The following TENM2 variants were observed in gnomAD, a reference collection of about 807,000 sequenced individuals.
TENM2 encodes the protein teneurin-2.
TENM2 carries 52 observed loss-of-function variants against 245.2 expected under a neutral mutation model. That is an observed-to-expected ratio of 0.21 (90% confidence interval 0.17 to 0.27). The LOEUF (loss-of-function observed/expected upper bound fraction) is 0.27, where lower values mean the gene tolerates loss of function less well. Ranked by LOEUF, TENM2 falls within the 10% of genes least tolerant of loss-of-function variation. TENM2 has a pLI of 1.00. For missense variants in TENM2, 3,046 were observed against 3,666.8 expected, an observed-to-expected ratio of 0.83 and a Z score of 4.37; for synonymous variants, 1,363 against 1,438.9, an observed-to-expected ratio of 0.95 and a Z score of 1.19.
intron 2 of TENM2, among the ~76,000 whole-genome samples, chr5:167,814,531 C>G (rs1396775239): frequency 6.7e-6 from 1 of 149,446 alleles, no homozygotes; most frequent in Non-Finnish European, 1.5e-5. Context: ...TTATCTAGGA[C>G]AGTATTTCCA....
At chr5:167,130,289 C>A in the TENM2 span, among the ~76,000 whole-genome samples, 1 of 152,146 alleles carries the variant, frequency 6.6e-6, no homozygotes, top group Non-Finnish European at 1.5e-5. Context: ...GAAAATAGTG[C>A]TGCTAATGGA....
chr5:168,177,187 A>C (rs1759436624), intron 13 of TENM2, among the ~76,000 whole-genome samples: 1 of 152,222 alleles, frequency 6.6e-6, no homozygotes. Flanking sequence ...CTGCGTGTGA[A>C]TCCCAGCTTC....
chr5:167,440,363 A>C (rs1241891028), intron 2 of TENM2, among the ~76,000 whole-genome samples: 1 of 152,178 alleles, frequency 6.6e-6, no homozygotes, highest in Admixed American at 6.5e-5. Flanking sequence ...GTGTTCATCC[A>C]ATGTGCCAAC....
the TENM2 span, among the ~76,000 whole-genome samples, chr5:167,130,888 C>CT: frequency 0.12 from 8,700 of 73,020 alleles, 158 homozygotes; most frequent in Non-Finnish European, 0.14. Flanking sequence ...GTGTTAAATG[C>CT]TTTTTTTTTT....
intron 2 of TENM2, among the ~76,000 whole-genome samples, chr5:167,413,147 G>A (rs1352308474): frequency 1.3e-5 from 2 of 151,650 alleles, no homozygotes; most frequent in Non-Finnish European, 1.5e-5. Context: ...TTTATTTTTT[G>A]GCTCTGATCA....
intron 2 of TENM2, among the ~76,000 whole-genome samples, chr5:167,753,668 T>C (rs1762102753): frequency 6.6e-6 from 1 of 152,152 alleles, no homozygotes; most frequent in Non-Finnish European, 1.5e-5. Context: ...AGTTAGTAGG[T>C]GACAAAGCTG....
chr5:168,048,993 A>G (rs1788851939), intron 6 of TENM2, among the ~76,000 whole-genome samples: 2 of 152,208 alleles, frequency 1.3e-5, no homozygotes, highest in African/African-American at 4.8e-5. Flanking sequence ...CCAGAGCCAA[A>G]TGTATTGACC....
chr5:167,168,647 G>A, the TENM2 span, among the ~76,000 whole-genome samples: 1 of 152,212 alleles, frequency 6.6e-6, no homozygotes, highest in South Asian at 2.1e-4. Flanking sequence ...CTGATGGAAG[G>A]AACTTTGCTT....
chr5:168,224,080 A>G (rs4976541), intron 23 of TENM2, among the ~76,000 whole-genome samples: 3 of 152,158 alleles, frequency 2.0e-5, no homozygotes, highest in Admixed American at 1.3e-4. Flanking sequence ...TATTTAATGA[A>G]TCTCCCATCA....
the TENM2 span, among the ~76,000 whole-genome samples, chr5:167,070,284 A>ATTTTTTTTTTTTTTTTTTT: frequency 2.7e-4 from 27 of 99,338 alleles, no homozygotes; most frequent in East Asian, 6.5e-4. Flanking sequence ...CGCCCGGCTA[A>ATTTTTTTTTTTTTTTTTTT]TTTTTTTTTT....
chr5:167,062,658 G>C, the TENM2 span, among the ~76,000 whole-genome samples: 1 of 152,174 alleles, frequency 6.6e-6, no homozygotes. Flanking sequence ...AGGTGAACAC[G>C]ACAGGCAAGG....
At chr5:168,188,406 C>T (rs1760663550) in intron 13 of TENM2, among the ~76,000 whole-genome samples, 4 of 152,290 alleles carry the variant, frequency 2.6e-5, no homozygotes, top group Admixed American at 2.6e-4. Flanking sequence ...TCAATCCGCT[C>T]CCAGCCGAGT....
At chr5:166,999,666 G>A in the TENM2 span, among the ~76,000 whole-genome samples, 2 of 152,262 alleles carry the variant, frequency 1.3e-5, no homozygotes, top group Non-Finnish European at 2.9e-5. Flanking sequence ...TGCCTTCAGG[G>A]TTATGGTGGG....
chr5:167,197,288 C>T, the TENM2 span, among the ~76,000 whole-genome samples: 10 of 152,004 alleles, frequency 6.6e-5, no homozygotes, highest in Non-Finnish European at 1.0e-4. Flanking sequence ...TACAACATGG[C>T]GTGCTGGAAG....
the TENM2 span, among the ~76,000 whole-genome samples, chr5:167,216,989 G>A: frequency 6.6e-6 from 1 of 151,506 alleles, no homozygotes; most frequent in Non-Finnish European, 1.5e-5. Flanking sequence ...ACCAGTAACA[G>A]AAACATATAA....
intron 2 of TENM2, among the ~76,000 whole-genome samples, chr5:167,424,828 A>C (rs776320422): frequency 6.6e-6 from 1 of 152,294 alleles, no homozygotes; most frequent in Non-Finnish European, 1.5e-5. Flanking sequence ...TGAAAATATT[A>C]TTCTTGCAGG....
intron 9 of TENM2, among the ~76,000 whole-genome samples, chr5:168,104,021 TTTG>T (rs1794041804): frequency 1.3e-5 from 2 of 151,950 alleles, no homozygotes; most frequent in Admixed American, 1.3e-4. Flanking sequence ...TGTTTGTTTG[TTTG>T]TTTGTTTGTT....
intron 3 of TENM2, among the ~76,000 whole-genome samples, chr5:167,889,115 A>G (rs1365874114): frequency 1.3e-5 from 2 of 152,178 alleles, no homozygotes. Flanking sequence ...AACCACACAA[A>G]AACAAAAAAA....
At chr5:167,686,651 T>A (rs111265128) in intron 2 of TENM2, among the ~76,000 whole-genome samples, 43 of 152,276 alleles carry the variant, frequency 2.8e-4, no homozygotes, top group African/African-American at 9.9e-4. Context: ...TGTTCAGAGA[T>A]ATGTTCTGGA....
Sources: gnomAD v4.1 joint callset for allele counts (sites outside exome capture counted in the v4.1 genomes callset) on GRCh38, gnomAD v4.1.1 for gene constraint, MANE v1.5 for transcripts, NCBI Gene and HGNC (gene_info 2026-07-23, HGNC 2026-07-21) for gene names.